SMARCA2: variants seen among roughly 807,000 people sequenced by gnomAD.
SMARCA2 encodes SWI/SNF related BAF chromatin remodeling complex subunit ATPase 2, also known as SWI/SNF-related matrix-associated actin-dependent regulator of chromatin subfamily A member 2.
In SMARCA2, 61 loss-of-function variants were observed where a neutral mutation model predicts 199.8. That is an observed-to-expected ratio of 0.31 (90% CI 0.25 to 0.38). The LOEUF (loss-of-function observed/expected upper bound fraction) is 0.38. Among genes scored for constraint, SMARCA2 ranks in the 10% least tolerant of loss-of-function variants. SMARCA2 has a pLI of 1.00. For synonymous variants in SMARCA2, 935 were observed against 732.0 expected, an observed-to-expected ratio of 1.28 and a Z score of -4.48; for missense variants, 1,344 against 2,012.2, an observed-to-expected ratio of 0.67 and a Z score of 6.35.
At chr9:2,061,782 G>A (rs1183335915) in intron 9 of SMARCA2, among the ~76,000 whole-genome samples, 3 of 152,298 alleles carry the variant, frequency 2.0e-5, no homozygotes, top group Middle Eastern at 3.4e-3. Flanking sequence ...CATTCATTCT[G>A]TATACTGAAT....
chr9:2,070,678 A>G (rs1821051751), intron 10 of SMARCA2, among the ~76,000 whole-genome samples: 1 of 152,242 alleles, frequency 6.6e-6, no homozygotes, highest in Non-Finnish European at 1.5e-5. Flanking sequence ...ACTGTCAATC[A>G]ACTGATATTA....
chr9:2,189,150 A>AG (rs1827699751), intron 32 of SMARCA2, among the ~76,000 whole-genome samples: 1 of 152,354 alleles, frequency 6.6e-6, no homozygotes, highest in African/African-American at 2.4e-5. Context: ...TAACATATTC[A>AG]GAGGTTCTTG....
intron 27 of SMARCA2, among the ~76,000 whole-genome samples, chr9:2,145,449 A>AT (rs1158199623): frequency 2.0e-5 from 3 of 152,266 alleles, no homozygotes; most frequent in East Asian, 1.9e-4. Flanking sequence ...GCTTTTGGCA[A>AT]TTTTTTTAAA....
chr9:2,147,769 A>C (rs968324700), intron 27 of SMARCA2, among the ~76,000 whole-genome samples: 5 of 151,054 alleles, frequency 3.3e-5, no homozygotes, highest in African/African-American at 1.2e-4. Context: ...AATTGCTTGA[A>C]CCCGGGAGGC....
At chr9:2,114,112 C>T (rs900922045) in intron 24 of SMARCA2, among the ~76,000 whole-genome samples, 1 of 152,106 alleles carries the variant, frequency 6.6e-6, no homozygotes, top group Non-Finnish European at 1.5e-5. Context: ...CTGCTGTTAG[C>T]AGGTCTGGTG....
intron 31 of SMARCA2, among the ~76,000 whole-genome samples, chr9:2,185,309 A>G (rs567005103): frequency 6.6e-6 from 1 of 151,886 alleles, no homozygotes; most frequent in African/African-American, 2.4e-5. Flanking sequence ...TTATGCACTT[A>G]TGGACTTAGC....
chr9:2,060,072 C>T (rs768233481), intron 8 of SMARCA2, among the ~76,000 whole-genome samples: 41 of 125,204 alleles, frequency 3.3e-4, no homozygotes, highest in Non-Finnish European at 4.7e-5. Flanking sequence ...TGCTAAGTGA[C>T]TTGTCTCCAG....
rs45616134 is a variant in SMARCA2 at position 2,193,437 on chromosome 9, T to C, written c.*698T>C. 0.035 allele frequency: 5,348 copies of C among 152,778 alleles called. 128 individuals carry two copies. The highest frequency in any genetic ancestry group is 0.13 in the Middle Eastern group (37 of 294). 9.5% of individuals were successfully genotyped at this position (152,778 alleles called of 1,614,324 possible). Reference sequence around the variant, plus strand: ...TATATAGTGTATTGGATGGCTTCTTTTGTCACCCTGATCTCCTATGTTACC... The same window carrying C: ...TATATAGTGTATTGGATGGCTTCTTCTGTCACCCTGATCTCCTATGTTACC... On this transcript the variant is annotated 3_prime_UTR_variant, in exon 34 of 34. Transcript: ENST00000349721.
intron 2 of SMARCA2, among the ~76,000 whole-genome samples, chr9:2,031,821 C>G (rs1819083677): frequency 6.6e-6 from 1 of 152,144 alleles, no homozygotes. Flanking sequence ...TTTTTCTATG[C>G]TTTTTATAGG....
chr9:2,037,121 C>T (rs911076197), intron 3 of SMARCA2, among the ~76,000 whole-genome samples: 2 of 152,128 alleles, frequency 1.3e-5, no homozygotes, highest in Non-Finnish European at 2.9e-5. Flanking sequence ...GCCAGAAAGA[C>T]GTCATAATGA....
chr9:2,093,519 G>T (rs985727467), intron 19 of SMARCA2, among the ~76,000 whole-genome samples: 1 of 152,174 alleles, frequency 6.6e-6, no homozygotes, highest in Non-Finnish European at 1.5e-5. Context: ...TTGCTGCCTG[G>T]TTCATTTACT....
chr9:2,076,519 C>T (rs529026493), intron 13 of SMARCA2, among the ~76,000 whole-genome samples, 190 bp downstream of exon 13: 1 of 151,096 alleles, frequency 6.6e-6, no homozygotes, highest in African/African-American at 2.4e-5. Context: ...TTCTCCATCC[C>T]TCCCTCCCTT....
chr9:2,129,366 C>T lies in SMARCA2; in HGVS notation c.3981+5429C>T, dbSNP rs150844843. Among the ~76,000 whole-genome samples, 158 of 152,246 alleles carry T rather than the reference C, an allele frequency of 1.0e-3. 1 individual carries two copies. The highest frequency in any genetic ancestry group is 3.4e-3 in the Middle Eastern group (1 of 294). On this transcript the variant is annotated intron_variant, in intron 27 of 33. Coordinates refer to ENST00000349721, the MANE Select transcript of SMARCA2 (RefSeq NM_003070.5). ...CCGGGAGGCAGAGGTTACATTGAGC[C>T]GAGATCGTGCCATTGCACTCCTGCC... is the stretch of plus-strand genomic sequence containing the variant.
chr9:2,073,593 T>TGAA lies in SMARCA2; in HGVS notation c.1908_1910dup (p.Glu637dup). On this transcript the variant is annotated inframe_insertion, in exon 12 of 34. Coordinates refer to ENST00000349721, the MANE Select transcript of SMARCA2 (RefSeq NM_003070.5). ...ATGAAGTTGCCCCTAGATCTGACAG[T>TGAA]GAAGAGAGTGATTCTGATTATGAGG... The TGAA allele has an allele frequency of 6.2e-7, 1 of 1,612,198 alleles. No individual in the cohort carries two copies. Among genetic ancestry groups the TGAA allele is most frequent in the Non-Finnish European group, 8.5e-7 (1 of 1,178,286 alleles).
In SMARCA2 at chr9:2,081,829, C is replaced by T; in HGVS notation, c.2185-3C>T. On this transcript the variant is annotated splice_polypyrimidine_tract_variant and splice_region_variant and intron_variant, in intron 14 of 33. Transcript: ENST00000349721. ...TAATTGAAGCAATTACTCTTCATTTCAGCTCCAGGGCCTGGAATGGATGGT... is the reference window on the plus strand; with the variant it reads ...TAATTGAAGCAATTACTCTTCATTTTAGCTCCAGGGCCTGGAATGGATGGT... 2.5e-6 allele frequency: 4 copies of T among 1,613,510 alleles called. No individual in the cohort carries two copies. Among genetic ancestry groups the T allele is most frequent in the Non-Finnish European group, 3.4e-6 (4 of 1,179,710 alleles).
At position 2,070,481 on chromosome 9, in the gene SMARCA2, C is replaced by G; in HGVS notation, c.1746+10C>G. On this transcript the variant is annotated intron_variant, in intron 10 of 33. Coordinates refer to ENST00000349721, the MANE Select transcript of SMARCA2 (RefSeq NM_003070.5). ...GGGACCGGATGGAGAGGTAAGGGAT[C>G]GTCATCCTTTCCACTGTGTTCTGCT... 1 of 1,607,420 alleles carries G rather than the reference C, an allele frequency of 6.2e-7. No individual in the cohort carries two copies. The highest frequency in any genetic ancestry group is 1.7e-4 in the Middle Eastern group (1 of 6,002).
At chr9:2,046,780 G>T (rs1262115372) in intron 4 of SMARCA2, among the ~76,000 whole-genome samples, 1 of 151,782 alleles carries the variant, frequency 6.6e-6, no homozygotes, top group African/African-American at 2.4e-5. Flanking sequence ...GCATCTGACT[G>T]TTGGGTGACT....
At chr9:2,180,649 T>C (rs1826958783) in intron 29 of SMARCA2, among the ~76,000 whole-genome samples, 1 of 152,232 alleles carries the variant, frequency 6.6e-6, no homozygotes, top group African/African-American at 2.4e-5. Flanking sequence ...CAAGCTGTTA[T>C]TGATCTGAGT....
intron 27 of SMARCA2, chr9:2,157,896 T>A: frequency 2.5e-6 from 1 of 398,510 alleles, no homozygotes; most frequent in Non-Finnish European, 4.4e-6. Flanking sequence ...GGTTGGTGTG[T>A]GTCAGGATGA....
Sources: gnomAD v4.1 joint callset for allele counts (sites outside exome capture counted in the v4.1 genomes callset) on GRCh38, gnomAD v4.1.1 for gene constraint, MANE v1.5 for transcripts, NCBI Gene and HGNC (gene_info 2026-07-23, HGNC 2026-07-21) for gene names.